NEURL1: variants seen among roughly 807,000 people sequenced by gnomAD.
The protein encoded by NEURL1 is neuralized E3 ubiquitin protein ligase 1, also known as E3 ubiquitin-protein ligase NEURL1.
A neutral mutation model predicts 41.2 loss-of-function variants in NEURL1; 26 were observed. The observed-to-expected ratio is 0.63, with a 90% CI of 0.46 to 0.87. The LOEUF (loss-of-function observed/expected upper bound fraction) is 0.87. NEURL1 is among the 40% of genes least tolerant of loss of function. NEURL1 has a pLI of 0.00. For synonymous variants in NEURL1, 400 were observed against 402.3 expected (o/e 0.99, Z 0.07); for missense variants, 761 against 871.1 (o/e 0.87, Z 1.59).
rs1453655046 is a variant in NEURL1 at position 103,590,752 on chromosome 10, A to T, written c.*380A>T. 2.2e-5 allele frequency: 6 copies of T among 269,720 alleles called. No individual in the cohort carries two copies. The East Asian group carries it at 5.7e-4, about 25-fold the overall frequency. 16.7% of individuals were successfully genotyped at this position (269,720 alleles called of 1,614,324 possible). A position where few individuals can be genotyped will look rare whatever the true frequency, so the allele number is the denominator to read the frequency against. ...GGCACCTTTGTGAGAATTAGAAAAC[A>T]TGTACCTTCCTCTGGGCAGCTGCAG... On this transcript the variant is annotated 3_prime_UTR_variant, in exon 6 of 6. Transcript: ENST00000369780.
intron 1 of NEURL1, among the ~76,000 whole-genome samples, chr10:103,516,119 T>C (rs147007718): frequency 2.0e-5 from 3 of 150,708 alleles, no homozygotes; most frequent in South Asian, 4.3e-4. Flanking sequence ...TCCCAGCTAC[T>C]TGGGAGGCTG....
rs1234214905 is a variant in NEURL1, at chr10:103,590,633, C to T, written c.*261C>T. 7.5e-6 allele frequency: 4 copies of T among 530,852 alleles called. No homozygotes were observed. Among genetic ancestry groups the T allele is most frequent in the Non-Finnish European group, 1.0e-5 (3 of 295,060 alleles). 32.9% of individuals were successfully genotyped at this position (530,852 alleles called of 1,614,324 possible). On this transcript the variant is annotated 3_prime_UTR_variant, in exon 6 of 6. Transcript: ENST00000369780. ...GTCTCTCCCGTCTCTGCACCCAGCT[C>T]CTCTCTGCATGCTGAGGGCTAAATT...
chr10:103,507,006 G>C (rs1338047165), intron 1 of NEURL1, among the ~76,000 whole-genome samples: 2 of 152,204 alleles, frequency 1.3e-5, no homozygotes, highest in African/African-American at 4.8e-5. Context: ...GGAAGGGCTG[G>C]TGGCCACTGA....
chr10:103,555,486 C>A, intron 1 of NEURL1: 2 of 1,254,568 alleles, frequency 1.6e-6, no homozygotes, highest in Non-Finnish European at 2.1e-6. Flanking sequence ...GGCGGAGGGG[C>A]GCTGGGGCTG....
chr10:103,504,566 T>C (rs2033904077), intron 1 of NEURL1, among the ~76,000 whole-genome samples: 1 of 152,204 alleles, frequency 6.6e-6, no homozygotes, highest in African/African-American at 2.4e-5. Flanking sequence ...AGCGCCTGGC[T>C]GAGGGAGTGC....
intron 1 of NEURL1, among the ~76,000 whole-genome samples, chr10:103,534,043 A>AT (rs1191840846): frequency 1.3e-5 from 2 of 151,712 alleles, no homozygotes; most frequent in African/African-American, 4.8e-5. Context: ...TCTCTATTGC[A>AT]TTTTTTATTT....
chr10:103,573,433 G>A (rs956980509), intron 3 of NEURL1, among the ~76,000 whole-genome samples: 1 of 152,134 alleles, frequency 6.6e-6, no homozygotes, highest in African/African-American at 2.4e-5. Flanking sequence ...ATGCTTTCTC[G>A]GGGTTCTTTG....
At chr10:103,573,441 T>C (rs1168701837) in intron 3 of NEURL1, among the ~76,000 whole-genome samples, 1 of 152,104 alleles carries the variant, frequency 6.6e-6, no homozygotes, top group Non-Finnish European at 1.5e-5. Flanking sequence ...TCGGGGTTCT[T>C]TGAGGAGCAG....
At chr10:103,589,783 G>C in intron 5 of NEURL1, 123 bp downstream of exon 5, 1 of 1,356,572 alleles carries the variant, frequency 7.4e-7, no homozygotes, top group South Asian at 1.4e-5. Context: ...CCTTGTTGGG[G>C]GGTGATTTCT....
At position 103,590,422 on chromosome 10, in the gene NEURL1, A is replaced by C. The variant is rs759475369; in HGVS notation, c.*50A>C. 1.1e-5 allele frequency: 16 copies of C among 1,509,748 alleles called. No individual in the cohort carries two copies. The highest frequency in any genetic ancestry group is 1.4e-5 in the Non-Finnish European group (15 of 1,088,522). The allele number at this position is 1,509,748 out of a possible 1,614,324, so 93.5% of individuals were successfully genotyped here. A position where few individuals can be genotyped will look rare whatever the true frequency, so the allele number is the denominator to read the frequency against. ...TACCCATCTTCTCGGGCTTCAGCCCAGTCCCAGCTGAGGAACAAGCCAGTG... is the reference window on the plus strand; with the variant it reads ...TACCCATCTTCTCGGGCTTCAGCCCCGTCCCAGCTGAGGAACAAGCCAGTG... On this transcript the variant is annotated 3_prime_UTR_variant, in exon 6 of 6. Coordinates refer to ENST00000369780, the MANE Select transcript of NEURL1 (RefSeq NM_004210.5).
At chr10:103,565,774 C>T (rs190787326) in intron 1 of NEURL1, among the ~76,000 whole-genome samples, 1 of 152,280 alleles carries the variant, frequency 6.6e-6, no homozygotes, top group Non-Finnish European at 1.5e-5. Context: ...CCTTAGTCAC[C>T]TGAGCAGCTG....
chr10:103,526,151 G>T (rs546362131), intron 1 of NEURL1, among the ~76,000 whole-genome samples: 95 of 152,176 alleles, frequency 6.2e-4, no homozygotes, highest in Admixed American at 1.1e-3. Flanking sequence ...ATTTTGTTGA[G>T]GATTTTTTGC....
At chr10:103,543,643 C>G (rs551611422) in intron 1 of NEURL1, among the ~76,000 whole-genome samples, 15 of 152,220 alleles carry the variant, frequency 9.9e-5, no homozygotes, top group Non-Finnish European at 1.8e-4. Context: ...TGGGAAGGGC[C>G]TCCTGCCATG....
At chr10:103,515,804 G>T (rs1262325004) in intron 1 of NEURL1, among the ~76,000 whole-genome samples, 2 of 152,220 alleles carry the variant, frequency 1.3e-5, no homozygotes, top group East Asian at 3.9e-4. Flanking sequence ...ACCCTGTGGA[G>T]GATGGAGTTA....
rs2035162810 is a variant in NEURL1 at position 103,556,709 on chromosome 10, G to A, written c.86-14163G>A. 6.6e-6 allele frequency among the ~76,000 whole-genome samples: 1 copy of A among 152,242 alleles called. No individual in the cohort carries two copies. Among genetic ancestry groups the A allele is most frequent in the Admixed American group, 6.5e-5 (1 of 15,286 alleles). On this transcript the variant is annotated intron_variant, in intron 1 of 5. Coordinates refer to ENST00000369780, the MANE Select transcript of NEURL1 (RefSeq NM_004210.5). This position sits in a 1 kb window ranked among gnomAD's most constrained non-coding sequence, Gnocchi z 4.4. ...TGGAGGGCTAAGTGACAGATGGAAG[G>A]CCCTGGAAGACACATAATCCGGAGC...
At chr10:103,544,790 C>A (rs921605757) in intron 1 of NEURL1, among the ~76,000 whole-genome samples, 3 of 152,172 alleles carry the variant, frequency 2.0e-5, no homozygotes, top group Admixed American at 2.0e-4. Flanking sequence ...ACCTCCTGCC[C>A]CTATTTGCCT....
Position 103,558,350 on chromosome 10 carries a change from C to G in NEURL1, c.86-12522C>G, listed in dbSNP as rs1246185036. 1.7e-6 allele frequency: 1 copy of G among 575,392 alleles called. No individual in the cohort carries two copies. Among genetic ancestry groups the G allele is most frequent in the Non-Finnish European group, 2.2e-6 (1 of 455,650 alleles). The allele number at this position is 575,392 out of a possible 1,614,324, so 35.6% of individuals were successfully genotyped here. On this transcript the variant is annotated intron_variant, in intron 1 of 5. Transcript: ENST00000369780. The surrounding 1 kb of genome is among the most constrained non-coding windows in gnomAD (Gnocchi z 4.2). The stretch of plus-strand genomic sequence containing the variant: ...TGTGGACGTGTTTTGGCTCTCTGAG[C>G]TTCTGATGTCAACAGATGTGTATCT...
At chr10:103,559,883 C>G (rs551268626) in intron 1 of NEURL1, among the ~76,000 whole-genome samples, 1 of 151,962 alleles carries the variant, frequency 6.6e-6, no homozygotes, top group East Asian at 1.9e-4. Flanking sequence ...TACGCACACA[C>G]ATACACACAT....
intron 3 of NEURL1, among the ~76,000 whole-genome samples, chr10:103,581,020 G>C (rs566332616): frequency 2.6e-4 from 40 of 152,330 alleles, no homozygotes; most frequent in African/African-American, 7.9e-4. Context: ...CCCATGGTCT[G>C]AGGACAGGTG....
Sources: gnomAD v4.1 joint callset for allele counts (sites outside exome capture counted in the v4.1 genomes callset) on GRCh38, gnomAD v4.1.1 for gene constraint, Gnocchi (gnomAD v3.1) non-coding constraint, MANE v1.5 for transcripts, NCBI Gene and HGNC (gene_info 2026-07-23, HGNC 2026-07-21) for gene names.